FHDC1: variants seen among roughly 807,000 people sequenced by gnomAD.
FHDC1 encodes FH2 domain containing 1.
In FHDC1, 25 loss-of-function variants were observed where a neutral mutation model predicts 52.6. That is an observed-to-expected ratio of 0.48 (90% CI 0.35 to 0.66). The LOEUF is 0.66. Ranked by LOEUF, FHDC1 falls within the 30% of genes least tolerant of loss-of-function variation. The pLI is 0.01. For missense variants in FHDC1, 1,459 were observed against 1,452.8 expected, an observed-to-expected ratio of 1.00 and a Z score of -0.07; for synonymous variants, 616 against 581.5, an observed-to-expected ratio of 1.06 and a Z score of -0.85.
In FHDC1 at chr4:152,976,072, C is replaced by A; in HGVS notation, c.2781C>A (p.Pro927=). Residue 927 remains proline, a synonymous_variant, in exon 12 of 12, where the codon CCC becomes CCA. Transcript: ENST00000511601. The stretch of plus-strand genomic sequence containing the variant: ...GACCAGAGCTGTCATCCCGGGGGCC[C>A]TCCCAGAATCCCCCCAGCAGCACAG... The part of the protein sequence containing the change: ...WRRPELSSRG[P]SQNPPSSTDT... 6.2e-7 allele frequency: 1 copy of A among 1,602,272 alleles called. No homozygotes were observed.
chr4:152,945,096 A>G (rs927263187), intron 2 of FHDC1, among the ~76,000 whole-genome samples: 2 of 152,210 alleles, frequency 1.3e-5, no homozygotes, highest in African/African-American at 4.8e-5. Context: ...CTGTCAGGCT[A>G]GAGTAGGTGG....
Position 152,975,000 on chromosome 4 carries a change from G to A in FHDC1, c.1709G>A (p.Ser570Asn). The A allele has an allele frequency of 1.2e-6, 2 of 1,612,402 alleles. No individual in the cohort carries two copies. Among genetic ancestry groups the A allele is most frequent in the East Asian group, 2.2e-5 (1 of 44,888 alleles). ...CCTGAGGAGCCCAATAAGTTCCACA[G>A]CCTGCCCCGGAGCAGCCCCCGGCAG... ...GSPEEPNKFH[S>N]LPRSSPRQAR... The change falls in exon 12 of 12, where the codon AGC becomes AAC. Residue 570 changes from serine (S) to asparagine (N), a missense_variant. Ser to Asn is a conservative substitution (Grantham distance 46). Around this residue, in one of 3 missense-constraint regions of FHDC1, gnomAD observed 939 missense variants for 854.5 expected, o/e 1.10. Transcript: ENST00000511601.
upstream of FHDC1, among the ~76,000 whole-genome samples, chr4:152,935,975 C>A (rs531134131): frequency 6.6e-6 from 1 of 152,008 alleles, no homozygotes; most frequent in East Asian, 1.9e-4. Flanking sequence ...TCCTCTCGCC[C>A]GTTCCCCGAG....
chr4:152,935,738 A>G (rs1175386498), upstream of FHDC1, among the ~76,000 whole-genome samples: 2 of 152,222 alleles, frequency 1.3e-5, no homozygotes, highest in East Asian at 3.9e-4. Context: ...GGGTTGGGAC[A>G]GGTCAGTTCG....
In FHDC1 at chr4:152,943,071, A is replaced by G; in HGVS notation, c.14A>G (p.Asn5Ser). 6.2e-7 allele frequency: 1 copy of G among 1,612,638 alleles called. No homozygotes were observed. Among genetic ancestry groups the G allele is most frequent in the South Asian group, 1.1e-5 (1 of 90,824 alleles). Reference protein sequence around the residue: MHVMNCVSLVSDKEN... With the variant: MHVMSCVSLVSDKEN... ...GGCAACAGTACTATGCATGTTATGA[A>G]TTGTGTCTCCTTGGTCAGTGATAAA... Residue 5 changes from asparagine (N) to serine (S), a missense_variant, in exon 2 of 12, where the codon AAT (asparagine) becomes AGT (serine). By Grantham distance (46) the Asn-to-Ser change is conservative. Coordinates refer to ENST00000511601, the MANE Select transcript of FHDC1 (RefSeq NM_001371116.1).
chr4:152,912,821 T>G, the FHDC1 span, among the ~76,000 whole-genome samples: 4 of 152,208 alleles, frequency 2.6e-5, no homozygotes, highest in African/African-American at 9.6e-5. Flanking sequence ...ATTAAACTTT[T>G]CATCCCAAAG....
In FHDC1 at chr4:152,949,124, T is replaced by TAAGAAGAAGAAGAAG. The variant is rs201070214; in HGVS notation, c.499-4341_499-4327dup. Among the ~76,000 whole-genome samples the TAAGAAGAAGAAGAAG allele has an allele frequency of 3.4e-3, 254 of 74,674 alleles. 1 individual carries two copies. The highest frequency in any genetic ancestry group is 0.012 in the East Asian group (26 of 2,164). 49.0% of individuals were successfully genotyped at this position (74,674 alleles called of 152,430 possible). A position where few individuals can be genotyped will look rare whatever the true frequency, so the allele number is the denominator to read the frequency against. On this transcript the variant is annotated intron_variant, in intron 2 of 11. Transcript: ENST00000511601. ...ATAATAATAATAATAATAATAATAA[T>TAAGAAGAAGAAGAAG]AAGAAGAAGAAGAAGAAGAAGAAGA... is the stretch of plus-strand genomic sequence containing the variant.
chr4:152,976,419 C>T lies in FHDC1; in HGVS notation c.3128C>T (p.Ser1043Phe), dbSNP rs147496258. 23 of 1,613,772 alleles carry T rather than the reference C, an allele frequency of 1.4e-5. No homozygotes were observed. The highest frequency in any genetic ancestry group is 1.9e-5 in the Non-Finnish European group (23 of 1,180,030). ...PSFARNTVAS[S>F]SRSMRTDLPP... is the part of the protein sequence containing the mutation. ...TTTGCCCGGAACACAGTGGCCTCCT[C>T]CTCTCGAAGCATGAGAACAGATCTT... Residue 1043 changes from serine to phenylalanine, a missense_variant, in exon 12 of 12, where the codon TCC becomes TTC. Coordinates refer to ENST00000511601, the MANE Select transcript of FHDC1 (RefSeq NM_001371116.1).
chr4:152,975,214 C>A lies in FHDC1; in HGVS notation c.1923C>A (p.Gly641=), dbSNP rs151164271. The stretch of plus-strand genomic sequence containing the variant: ...CCTTCCCCAGAGCTCGGCGCCAGGG[C>A]GTCAGTGTCCTCCGAAAGAGGTACA... ...ASAFPRARRQ[G]VSVLRKRYSE... The change falls in exon 12 of 12, where the codon GGC becomes GGA. Residue 641 remains glycine (G), a synonymous_variant. Transcript: ENST00000511601. The A allele has an allele frequency of 3.7e-6, 6 of 1,613,294 alleles. No homozygotes were observed. Among genetic ancestry groups the A allele is most frequent in the Non-Finnish European group, 5.1e-6 (6 of 1,180,012 alleles).
intron 3 of FHDC1, 83 bp downstream of exon 3, chr4:152,953,643 C>T: frequency 8.7e-7 from 1 of 1,153,324 alleles, no homozygotes; most frequent in Non-Finnish European, 1.3e-6. Flanking sequence ...AGCTGGAATT[C>T]AAATTCCTCA....
chr4:152,937,606 T>A (rs1739429729), intron 1 of FHDC1, among the ~76,000 whole-genome samples: 1 of 151,526 alleles, frequency 6.6e-6, no homozygotes, highest in Non-Finnish European at 1.5e-5. Flanking sequence ...CCGAGGGTCG[T>A]GCAACGCCCG....
the FHDC1 span, among the ~76,000 whole-genome samples, chr4:152,925,960 A>G: frequency 2.6e-5 from 4 of 152,130 alleles, no homozygotes; most frequent in Non-Finnish European, 4.4e-5. Context: ...AAGGAGTTTA[A>G]GACCTGAGAT....
At position 152,975,228 on chromosome 4, in the gene FHDC1, G is replaced by A. The variant is rs117615730; in HGVS notation, c.1937G>A (p.Arg646Gln). The change falls in exon 12 of 12, where the codon CGA becomes CAA. Residue 646 changes from arginine to glutamine, a missense_variant. By Grantham distance (43) the Arg-to-Gln change is conservative. Coordinates refer to ENST00000511601, the MANE Select transcript of FHDC1 (RefSeq NM_001371116.1). ...CGGCGCCAGGGCGTCAGTGTCCTCCGAAAGAGGTACAGTGAGCCGGTGAGC... is the reference window on the plus strand; with the variant it reads ...CGGCGCCAGGGCGTCAGTGTCCTCCAAAAGAGGTACAGTGAGCCGGTGAGC... ...RARRQGVSVL[R>Q]KRYSEPVSLG... 2.6e-4 allele frequency: 415 copies of A among 1,613,316 alleles called. 2 individuals carry two copies. The East Asian group carries it at 4.6e-3, about 18-fold the overall frequency.
the FHDC1 span, among the ~76,000 whole-genome samples, chr4:152,925,011 A>T: frequency 3.5e-4 from 8 of 23,028 alleles, no homozygotes; most frequent in South Asian, 2.3e-3. Flanking sequence ...AAAGTATAAT[A>T]AAAAAAAAGA....
the FHDC1 span, among the ~76,000 whole-genome samples, chr4:152,922,208 A>G: frequency 6.6e-6 from 1 of 152,208 alleles, no homozygotes; most frequent in Non-Finnish European, 1.5e-5. Flanking sequence ...GCAAACTACC[A>G]TCAGAGAATA....
At position 152,975,697 on chromosome 4, in the gene FHDC1, G is replaced by A; in HGVS notation, c.2406G>A (p.Gly802=). The A allele has an allele frequency of 6.2e-7, 1 of 1,611,682 alleles. No homozygotes were observed. ...GAGGCGGGGACCCGGAGGAAGGCGG[G>A]GAAGGGGATGGCTCCATGTCCTCTG... The part of the protein sequence containing the change: ...RPRGGDPEEG[G]EGDGSMSSGV... The change falls in exon 12 of 12, where the codon GGG becomes GGA. Residue 802 remains glycine, a synonymous_variant. Coordinates refer to ENST00000511601, the MANE Select transcript of FHDC1 (RefSeq NM_001371116.1).
the FHDC1 span, chr4:152,927,640 G>A: frequency 1.9e-6 from 3 of 1,603,494 alleles, no homozygotes; most frequent in East Asian, 2.2e-5. Flanking sequence ...AGGACAGGAA[G>A]CAGCAGGAGT....
At chr4:152,948,457 T>G (rs903627632) in intron 2 of FHDC1, among the ~76,000 whole-genome samples, 5 of 152,072 alleles carry the variant, frequency 3.3e-5, no homozygotes, top group African/African-American at 1.2e-4. Flanking sequence ...AATTGTTTTT[T>G]GTTGTTGTTG....
intron 2 of FHDC1, among the ~76,000 whole-genome samples, chr4:152,949,841 A>G (rs1245116647): frequency 6.6e-6 from 1 of 152,144 alleles, no homozygotes; most frequent in Non-Finnish European, 1.5e-5. Context: ...TGAGTGCGTT[A>G]ATTACCTCAT....
Sources: allele counts gnomAD v4.1 joint callset (sites outside exome capture counted in the v4.1 genomes callset), GRCh38; gene constraint gnomAD v4.1.1; regional missense constraint gnomAD v4.1.1; transcripts MANE v1.5; gene names NCBI Gene and HGNC (gene_info 2026-07-23, HGNC 2026-07-21).